The following RMND1 variants were observed in gnomAD, a reference collection of about 807,000 sequenced individuals.
RMND1 encodes required for meiotic nuclear division protein 1 homolog.
A neutral mutation model predicts 54.0 loss-of-function variants in RMND1; 41 were observed. The ratio of observed to expected loss-of-function variants is 0.76; its 90% CI spans 0.59 to 0.98. RMND1 has a LOEUF of 0.98. RMND1 is among the 50% of genes least tolerant of loss of function. The pLI is 0.00. For synonymous variants in RMND1, 183 were observed against 181.7 expected (o/e 1.01, Z -0.06); for missense variants, 457 against 532.0 (o/e 0.86, Z 1.39).
At chr6:151,447,932 G>C (rs57888842) in intron 1 of RMND1, among the ~76,000 whole-genome samples, 4 of 150,770 alleles carry the variant, frequency 2.7e-5, no homozygotes, top group East Asian at 3.9e-4. Context: ...TCCTGCCTCA[G>C]CCTCCCGAGT....
intron 7 of RMND1, among the ~76,000 whole-genome samples, chr6:151,423,144 T>C (rs1170981031): frequency 6.6e-6 from 1 of 152,220 alleles, no homozygotes; most frequent in East Asian, 1.9e-4. Context: ...GTCCCATTCC[T>C]ATGGAACACT....
chr6:151,444,939 A>C (rs1582969913), intron 2 of RMND1: 2 of 171,972 alleles, frequency 1.2e-5, no homozygotes, highest in East Asian at 3.2e-4. Context: ...GCAGAGTTAC[A>C]ATTTTTTTTA....
intron 9 of RMND1, among the ~76,000 whole-genome samples, chr6:151,418,793 A>C (rs1293624578): frequency 6.6e-6 from 1 of 151,414 alleles, no homozygotes; most frequent in Non-Finnish European, 1.5e-5. Flanking sequence ...TTTCTGAGAC[A>C]GAGTTTTGTT....
chr6:151,450,818 G>T (rs920429079), intron 1 of RMND1, among the ~76,000 whole-genome samples: 1 of 152,202 alleles, frequency 6.6e-6, no homozygotes, highest in Non-Finnish European at 1.5e-5. Flanking sequence ...TGTGTAGAAA[G>T]AAGTAGACAT....
At chr6:151,406,687 T>C (rs1302780594) in intron 10 of RMND1, among the ~76,000 whole-genome samples, 1 of 151,978 alleles carries the variant, frequency 6.6e-6, no homozygotes, top group Non-Finnish European at 1.5e-5. Context: ...CTAATATCTT[T>C]ATATATCACT....
rs138426006 is a variant in RMND1 at position 151,408,265 on chromosome 6, C to A, written c.1201-2429G>T. Among the ~76,000 whole-genome samples the A allele has an allele frequency of 6.5e-3, 994 of 152,186 alleles. 10 individuals are homozygous for A. The highest frequency in any genetic ancestry group is 0.023 in the African/African-American group (941 of 41,528). On this transcript the variant is annotated intron_variant, in intron 10 of 11. Coordinates refer to ENST00000444024, the MANE Select transcript of RMND1 (RefSeq NM_017909.4). ...ATCTCAGCATTTTGGGAGGCCAAGG[C>A]AGGCGGATCACTTGAGGTCAGTTTA...
In RMND1 at chr6:151,445,427, A is replaced by G; in HGVS notation, c.385T>C (p.Ser129Pro). ...GGAACAAATGTTTCCGTTGATACAG[A>G]TGAGAAATGCCTCTTTAATATTTTT... Reference protein sequence around the residue: ...FIKILKRHFSSVSTETFVPKQ... With the variant: ...FIKILKRHFSPVSTETFVPKQ... The change falls in exon 2 of 12, where the codon TCT becomes CCT. Residue 129 changes from serine to proline, a missense_variant. Coordinates refer to ENST00000444024, the MANE Select transcript of RMND1 (RefSeq NM_017909.4). The G allele has an allele frequency of 6.2e-7, 1 of 1,614,134 alleles. No homozygotes were observed. Among genetic ancestry groups the G allele is most frequent in the African/African-American group, 1.3e-5 (1 of 75,044 alleles).
In RMND1 at chr6:151,407,233, C is replaced by T. The variant is rs1286808954; in HGVS notation, c.1201-1397G>A. Among the ~76,000 whole-genome samples the T allele has an allele frequency of 2.0e-5, 3 of 152,152 alleles. No individual in the cohort carries two copies. In the East Asian group the frequency reaches 5.8e-4, roughly 29 times the overall value. On this transcript the variant is annotated intron_variant, in intron 10 of 11. Transcript: ENST00000444024. ...TCCACCATTTGCCCCTATTTCCAGGCGTTATGGTCACCCTGTAGTTTCTAA... is the reference window on the plus strand; with the variant it reads ...TCCACCATTTGCCCCTATTTCCAGGTGTTATGGTCACCCTGTAGTTTCTAA...
intron 6 of RMND1, among the ~76,000 whole-genome samples, chr6:151,425,911 C>T (rs778063254): frequency 6.0e-5 from 9 of 151,206 alleles, no homozygotes; most frequent in Non-Finnish European, 1.2e-4. Flanking sequence ...GTCTCTGTCT[C>T]TCTTCCAAGT....
intron 1 of RMND1, among the ~76,000 whole-genome samples, chr6:151,449,048 G>T (rs1029379305): frequency 1.7e-5 from 2 of 116,196 alleles, no homozygotes; most frequent in Non-Finnish European, 3.3e-5. Flanking sequence ...GCAACAAAGC[G>T]AGACTCTGTC....
At chr6:151,440,866 C>T (rs1780756304) in intron 2 of RMND1, among the ~76,000 whole-genome samples, 1 of 151,946 alleles carries the variant, frequency 6.6e-6, no homozygotes, top group African/African-American at 2.4e-5. Flanking sequence ...TTCTGAGCAG[C>T]TTTCATTTTT....
chr6:151,436,142 G>A (rs1582962708), intron 3 of RMND1: 1 of 228,240 alleles, frequency 4.4e-6, no homozygotes, highest in Non-Finnish European at 8.7e-6. Context: ...AACACACACA[G>A]ACACACACAA....
intron 2 of RMND1, among the ~76,000 whole-genome samples, chr6:151,443,546 A>G (rs1482970499): frequency 1.3e-5 from 2 of 152,144 alleles, no homozygotes; most frequent in Non-Finnish European, 2.9e-5. Context: ...CCTGACCTCA[A>G]GTAATCGCCT....
In RMND1 at chr6:151,427,492, T is replaced by G; in HGVS notation, c.820A>C (p.Ile274Leu). The change falls in exon 6 of 12, where the codon ATA becomes CTA. Residue 274 changes from isoleucine to leucine, a missense_variant. Coordinates refer to ENST00000444024, the MANE Select transcript of RMND1 (RefSeq NM_017909.4). ...VHWENEELNY[I>L]KIEGQSKLHR... Reference sequence around the variant, plus strand: ...TGAAAAGTTGCTTACTCTATTTTTATGTAGTTAAGTTCTTCATTTTCCCAG... The same window carrying G: ...TGAAAAGTTGCTTACTCTATTTTTAGGTAGTTAAGTTCTTCATTTTCCCAG... 2 of 1,598,584 alleles carry G rather than the reference T, an allele frequency of 1.3e-6. No homozygotes were observed. The highest frequency in any genetic ancestry group is 1.7e-6 in the Non-Finnish European group (2 of 1,166,434).
At chr6:151,406,807 C>G (rs764210214) in intron 10 of RMND1, among the ~76,000 whole-genome samples, 2 of 152,070 alleles carry the variant, frequency 1.3e-5, no homozygotes, top group Non-Finnish European at 2.9e-5. Context: ...GGTACGTGTT[C>G]AGGGGTTGAT....
At chr6:151,451,307 T>C (rs1380205493) in intron 1 of RMND1, among the ~76,000 whole-genome samples, 2 of 152,204 alleles carry the variant, frequency 1.3e-5, no homozygotes, top group Non-Finnish European at 2.9e-5. Context: ...TTTTAGTTTA[T>C]TAATTCATAC....
chr6:151,406,573 A>T (rs184937295), intron 10 of RMND1, among the ~76,000 whole-genome samples: 23 of 152,148 alleles, frequency 1.5e-4, no homozygotes, highest in African/African-American at 5.5e-4. Flanking sequence ...GATGGTCTCG[A>T]TCTCCTGACC....
intron 1 of RMND1, among the ~76,000 whole-genome samples, chr6:151,448,356 T>C (rs1781024130): frequency 6.6e-6 from 1 of 152,138 alleles, no homozygotes; most frequent in African/African-American, 2.4e-5. Context: ...ACCTTTTCAC[T>C]GTCTCTCACT....
At chr6:151,424,133 G>T (rs527683845) in intron 6 of RMND1, among the ~76,000 whole-genome samples, 2 of 152,036 alleles carry the variant, frequency 1.3e-5, no homozygotes, top group African/African-American at 4.8e-5. Context: ...CTACAGGTGC[G>T]AGCCACCTTG....
Sources: allele counts gnomAD v4.1 joint callset (sites outside exome capture counted in the v4.1 genomes callset), GRCh38; gene constraint gnomAD v4.1.1; transcripts MANE v1.5; gene names NCBI Gene and HGNC (gene_info 2026-07-23, HGNC 2026-07-21).